The following NPNT variants were observed in gnomAD, a reference collection of about 807,000 sequenced individuals.
NPNT encodes preosteoblast EGF-like repeat protein with MAM domain.
Under a neutral mutation model 68.6 loss-of-function variants are expected in NPNT, and 45 were observed. The ratio of observed to expected loss-of-function variants is 0.66; its 90% CI spans 0.52 to 0.84. The LOEUF (loss-of-function observed/expected upper bound fraction) is 0.84. Among genes scored for constraint, NPNT ranks in the 40% least tolerant of loss-of-function variants. The pLI is 0.00. For synonymous variants in NPNT, 233 were observed against 253.3 expected, an observed-to-expected ratio of 0.92 and a Z score of 0.76; for missense variants, 672 against 714.8, an observed-to-expected ratio of 0.94 and a Z score of 0.68.
At chr4:105,925,609 G>A (rs1415060102) in intron 2 of NPNT, among the ~76,000 whole-genome samples, 1 of 152,176 alleles carries the variant, frequency 6.6e-6, no homozygotes, top group African/African-American at 2.4e-5. Context: ...AACAGCATGG[G>A]TTAAAATGGG....
intron 2 of NPNT, among the ~76,000 whole-genome samples, chr4:105,915,576 C>T (rs1727745593): frequency 6.6e-6 from 1 of 152,062 alleles, no homozygotes; most frequent in Admixed American, 6.6e-5. Flanking sequence ...TATTCACATT[C>T]AGTAACATGG....
Position 105,971,202 on chromosome 4 carries a change from A to T in NPNT, c.*2212A>T. The T allele has an allele frequency of 2.2e-6, 1 of 455,434 alleles. No homozygotes were observed. Among genetic ancestry groups the T allele is most frequent in the Non-Finnish European group, 4.4e-6 (1 of 226,080 alleles). The allele number at this position is 455,434 out of a possible 1,614,324, so 28.2% of individuals were successfully genotyped here. On this transcript the variant is annotated 3_prime_UTR_variant, in exon 12 of 12. Coordinates refer to ENST00000379987, the MANE Select transcript of NPNT (RefSeq NM_001033047.3). ...TGACAAGTTATCTTGGCTGCTGAGA[A>T]AGAGTGCCCTGCCCCACACCGGCAG... is the stretch of plus-strand genomic sequence containing the variant.
At chr4:105,941,657 G>C (rs1729964084) in intron 7 of NPNT, among the ~76,000 whole-genome samples, 1 of 152,074 alleles carries the variant, frequency 6.6e-6, no homozygotes, top group Non-Finnish European at 1.5e-5. Flanking sequence ...TCTTTTTGAT[G>C]AAGATTATCA....
intron 2 of NPNT, among the ~76,000 whole-genome samples, chr4:105,903,252 A>G (rs1357057502): frequency 2.0e-5 from 3 of 152,206 alleles, no homozygotes; most frequent in East Asian, 1.9e-4. Flanking sequence ...CTTTTTATCT[A>G]CAGAATTCAT....
chr4:105,898,249 C>A, intron 2 of NPNT: 1 of 346,394 alleles, frequency 2.9e-6, no homozygotes, highest in Non-Finnish European at 5.2e-6. Flanking sequence ...CATTTTTCCC[C>A]CCAAATCTGC....
At chr4:105,940,403 A>C (rs1729841172) in intron 6 of NPNT, 111 bp from the exon 7 acceptor site, 2 of 1,129,770 alleles carry the variant, frequency 1.8e-6, no homozygotes, top group East Asian at 4.8e-5. Context: ...TGCCAATATT[A>C]TGTAGATCAT....
At chr4:105,899,159 G>T (rs1000285553) in intron 2 of NPNT, among the ~76,000 whole-genome samples, 1 of 152,142 alleles carries the variant, frequency 6.6e-6, no homozygotes, top group Non-Finnish European at 1.5e-5. Context: ...GTGAAAGAGG[G>T]ACAGTGACAG....
intron 2 of NPNT, among the ~76,000 whole-genome samples, chr4:105,902,245 G>A (rs1441812295): frequency 6.6e-6 from 1 of 152,094 alleles, no homozygotes; most frequent in African/African-American, 2.4e-5. Context: ...AATTTGTTTT[G>A]AAGGCCACAC....
chr4:105,953,181 A>T (rs1211581873), intron 8 of NPNT, among the ~76,000 whole-genome samples: 4 of 152,128 alleles, frequency 2.6e-5, no homozygotes, highest in Non-Finnish European at 5.9e-5. Context: ...AAAAAAAATT[A>T]TCCTGTCTCC....
Position 105,900,964 on chromosome 4 carries a change from G to T in NPNT, c.172+2963G>T, listed in dbSNP as rs373173392. ...TTTACTTTTATTGACTATTGATGTG[G>T]CTGTTTATTGTCAGGTGAAAATTTT... On this transcript the variant is annotated intron_variant, in intron 2 of 11. Coordinates refer to ENST00000379987, the MANE Select transcript of NPNT (RefSeq NM_001033047.3). Among the ~76,000 whole-genome samples the T allele has an allele frequency of 8.6e-4, 131 of 151,766 alleles. 1 individual carries two copies. Among genetic ancestry groups the T allele is most frequent in the African/African-American group, 3.0e-3 (123 of 41,352 alleles).
At chr4:105,926,372 GA>G (rs1396559142) in intron 2 of NPNT, among the ~76,000 whole-genome samples, 3 of 152,158 alleles carry the variant, frequency 2.0e-5, no homozygotes, top group African/African-American at 7.2e-5. Flanking sequence ...ATTTGGTACA[GA>G]ACAAGGTTTC....
At chr4:105,926,953 T>G (rs1215085679) in intron 2 of NPNT, 1 of 154,088 alleles carries the variant, frequency 6.5e-6, no homozygotes, top group Non-Finnish European at 1.4e-5. Context: ...TTAGTACTTT[T>G]GGACTAAGAA....
chr4:105,926,425 T>C (rs978259840), intron 2 of NPNT, among the ~76,000 whole-genome samples: 1 of 152,156 alleles, frequency 6.6e-6, no homozygotes, highest in African/African-American at 2.4e-5. Flanking sequence ...TAATTTGTTG[T>C]GGCGGGTTGT....
chr4:105,938,061 T>C (rs1003966637), intron 4 of NPNT, among the ~76,000 whole-genome samples: 2 of 152,194 alleles, frequency 1.3e-5, no homozygotes, highest in African/African-American at 4.8e-5. Flanking sequence ...CCTCAATTCT[T>C]CACTTTCCTT....
At position 105,954,181 on chromosome 4, in the gene NPNT, C is replaced by G. The variant is rs534553998; in HGVS notation, c.1160-4290C>G. Among the ~76,000 whole-genome samples, 2 of 152,322 alleles carry G rather than the reference C, an allele frequency of 1.3e-5. 1 individual carries two copies. Among genetic ancestry groups the G allele is most frequent in the South Asian group, 4.1e-4 (2 of 4,828 alleles). On this transcript the variant is annotated intron_variant, in intron 8 of 11. Coordinates refer to ENST00000379987, the MANE Select transcript of NPNT (RefSeq NM_001033047.3). ...TTTGTGGCTGATTTTACCCCTGACT[C>G]CAGGGCCCAGTAGCCATTAGAAAGT...
intron 2 of NPNT, among the ~76,000 whole-genome samples, chr4:105,905,680 G>T (rs1384065060): frequency 2.0e-5 from 3 of 151,844 alleles, no homozygotes; most frequent in East Asian, 1.9e-4. Context: ...ACCTTTGAGT[G>T]GTTTTCAATA....
intron 8 of NPNT, 34 bp downstream of exon 8, chr4:105,942,736 G>T: frequency 6.5e-7 from 1 of 1,550,300 alleles, no homozygotes; most frequent in Non-Finnish European, 8.7e-7. Flanking sequence ...ATTTTCAATA[G>T]GCTCTTTATA....
chr4:105,969,238 C>A lies in NPNT; in HGVS notation c.*248C>A. 1 of 340,860 alleles carries A rather than the reference C, an allele frequency of 2.9e-6. No homozygotes were observed. Among genetic ancestry groups the A allele is most frequent in the East Asian group, 4.6e-5 (1 of 21,934 alleles). 21.1% of individuals were successfully genotyped at this position (340,860 alleles called of 1,614,324 possible). On this transcript the variant is annotated 3_prime_UTR_variant, in exon 12 of 12. Coordinates refer to ENST00000379987, the MANE Select transcript of NPNT (RefSeq NM_001033047.3). The stretch of plus-strand genomic sequence containing the variant: ...CCATCTGTGGGTGTTGCCTTCCATC[C>A]TGTGTCTCTTTCAGGAAGGCATTCA...
At chr4:105,897,201 T>C (rs1250016188) in intron 1 of NPNT, among the ~76,000 whole-genome samples, 2 of 152,204 alleles carry the variant, frequency 1.3e-5, no homozygotes, top group Non-Finnish European at 2.9e-5. Context: ...TATCCTGAAA[T>C]TACTTTCTTT....
Sources: gnomAD v4.1 joint callset for allele counts (sites outside exome capture counted in the v4.1 genomes callset) on GRCh38, gnomAD v4.1.1 for gene constraint, MANE v1.5 for transcripts, NCBI Gene and HGNC (gene_info 2026-07-23, HGNC 2026-07-21) for gene names.